Variants in ARL5C observed in about 807,000 individuals in gnomAD.
ARL5C encodes ARF like GTPase 5C.
A neutral mutation model predicts 20.8 loss-of-function variants in ARL5C; 21 were observed. The ratio of observed to expected loss-of-function variants is 1.01; its 90% CI spans 0.72 to 1.46. The LOEUF is 1.46. Ranked by LOEUF, ARL5C falls within the 40% of genes most tolerant of loss-of-function variation. The probability of loss-of-function intolerance (pLI) is 0.00; values close to 1 mark genes in which losing one functional copy is unlikely to be tolerated. For missense variants in ARL5C, 199 were observed against 225.1 expected (o/e 0.88, Z 0.74); for synonymous variants, 71 against 81.6 (o/e 0.87, Z 0.70).
intron 5 of ARL5C, 120 bp downstream of exon 5, chr17:39,160,471 T>C: frequency 7.7e-7 from 1 of 1,299,000 alleles, no homozygotes. Flanking sequence ...CAAATTGGCT[T>C]GGCCCAGGAG....
chr17:39,161,086 T>C (rs892676225), intron 4 of ARL5C, among the ~76,000 whole-genome samples, 182 bp downstream of exon 4: 3 of 152,200 alleles, frequency 2.0e-5, no homozygotes, highest in Non-Finnish European at 2.9e-5. Flanking sequence ...CTGGCTTCTA[T>C]AGTCAATTGC....
intron 2 of ARL5C, among the ~76,000 whole-genome samples, chr17:39,163,520 G>C (rs574509905): frequency 1.9e-3 from 294 of 151,264 alleles, no homozygotes; most frequent in East Asian, 1.6e-3. Context: ...GGCCTCCTGA[G>C]TAGCTGGGAT....
chr17:39,161,496 C>G (rs1048951086), intron 3 of ARL5C, 145 bp from the exon 4 acceptor site: 1 of 690,242 alleles, frequency 1.4e-6, no homozygotes, highest in African/African-American at 1.8e-5. Flanking sequence ...ATTTCACCAC[C>G]CTGCTTCCAT....
intron 5 of ARL5C, 164 bp downstream of exon 5, chr17:39,160,427 G>A: frequency 1.4e-6 from 1 of 738,610 alleles, no homozygotes; most frequent in Non-Finnish European, 2.2e-6. Flanking sequence ...TCTGCTTGTG[G>A]CTTACCCACC....
chr17:39,161,374 G>A, intron 3 of ARL5C, 23 bp from the exon 4 acceptor site: 1 of 1,549,070 alleles, frequency 6.5e-7, no homozygotes, highest in South Asian at 1.2e-5. Flanking sequence ...GGGGAGCCGT[G>A]AGAGACAGGC....
In ARL5C at chr17:39,156,916, T is replaced by A; in HGVS notation, c.518A>T (p.Glu173Val). 6.4e-7 allele frequency: 1 copy of A among 1,551,842 alleles called. No homozygotes were observed. Among genetic ancestry groups the A allele is most frequent in the Non-Finnish European group, 8.7e-7 (1 of 1,146,970 alleles). Residue 173 changes from glutamate to valine, a missense_variant, in exon 6 of 6, where the codon GAA becomes GTA. Coordinates refer to ENST00000269586, the MANE Select transcript of ARL5C (RefSeq NM_001143968.1). ...EGLPARLQWMESQAAAN is the reference protein window; with the variant it reads ...EGLPARLQWMVSQAAAN ...ACATCAGTTAGCAGCGGCCTGAGAT[T>A]CCATCCACTGAAGTCTGGCAGGCAG... is the stretch of plus-strand genomic sequence containing the variant.
intron 3 of ARL5C, among the ~76,000 whole-genome samples, chr17:39,162,007 T>C (rs12945600): frequency 0.018 from 2,671 of 152,260 alleles, 87 homozygotes; most frequent in African/African-American, 0.061. Flanking sequence ...ATCTTGCTCT[T>C]GACCACACAG....
chr17:39,165,161 C>T, intron 1 of ARL5C, 22 bp from the exon 2 acceptor site: 1 of 1,551,350 alleles, frequency 6.4e-7, no homozygotes, highest in Non-Finnish European at 8.7e-7. Flanking sequence ...GGAGGAAGGG[C>T]AGCGTCAGGG....
In ARL5C at chr17:39,165,945, A is replaced by G. The variant is rs1171902336; in HGVS notation, c.-185T>C. The G allele has an allele frequency of 3.1e-6, 2 of 647,798 alleles. No individual in the cohort carries two copies. The highest frequency in any genetic ancestry group is 1.9e-5 in the South Asian group (1 of 53,614). 40.1% of individuals were successfully genotyped at this position (647,798 alleles called of 1,614,324 possible). ...GGGACGCTGGCCCTTCGTGGGCACT[A>G]TGGACACCCCAGTGACTAAGGGCTG... On this transcript the variant is annotated 5_prime_UTR_variant, in exon 1 of 6. Coordinates refer to ENST00000269586, the MANE Select transcript of ARL5C (RefSeq NM_001143968.1).
intron 3 of ARL5C, 70 bp downstream of exon 3, chr17:39,162,641 G>A: frequency 6.7e-7 from 1 of 1,495,812 alleles, no homozygotes; most frequent in Non-Finnish European, 9.0e-7. Context: ...CCAAGGCTCA[G>A]AAAGGTTACA....
At chr17:39,158,615 CAAAA>C (rs35435843) in intron 5 of ARL5C, among the ~76,000 whole-genome samples, 1 of 123,746 alleles carries the variant, frequency 8.1e-6, no homozygotes, top group Non-Finnish European at 1.8e-5. Flanking sequence ...GACCCTGCCT[CAAAA>C]AAAAAAAAAA....
At chr17:39,156,791 T>TC, downstream of ARL5C, 2 of 1,356,754 alleles carry the variant, frequency 1.5e-6, no homozygotes, top group Non-Finnish European at 2.0e-6. Flanking sequence ...CAGCCACTGC[T>TC]CCCACTAGAG....
At chr17:39,162,672 C>A in intron 3 of ARL5C, 39 bp downstream of exon 3, 1 of 1,542,180 alleles carries the variant, frequency 6.5e-7, no homozygotes, top group Non-Finnish European at 8.8e-7. Flanking sequence ...ATATCACACG[C>A]CTGCCTTGGA....
intron 3 of ARL5C, 60 bp downstream of exon 3, chr17:39,162,651 A>T: frequency 2.0e-6 from 3 of 1,523,256 alleles, no homozygotes; most frequent in Non-Finnish European, 2.7e-6. Flanking sequence ...GAAAGGTTAC[A>T]TGACAGTCTG....
In ARL5C at chr17:39,161,325, C is replaced by T. The variant is rs1039050384; in HGVS notation, c.282G>A (p.Thr94=). The T allele has an allele frequency of 6.4e-6, 10 of 1,551,764 alleles. No homozygotes were observed. Among genetic ancestry groups the T allele is most frequent in the Admixed American group, 5.9e-5 (3 of 50,968 alleles). Residue 94 remains threonine, a synonymous_variant, in exon 4 of 6, where the codon ACG becomes ACA. Coordinates refer to ENST00000269586, the MANE Select transcript of ARL5C (RefSeq NM_001143968.1). ...TEFIILVIDS[T]DRDRLLTTRE... ...GAGTGGTCAGCAGCCGATCCCGGTC[C>T]GTGCTGTCAATCACAAGGATGATAA...
intron 5 of ARL5C, among the ~76,000 whole-genome samples, chr17:39,158,171 G>C (rs1175644800): frequency 6.6e-6 from 1 of 150,632 alleles, no homozygotes; most frequent in East Asian, 2.0e-4. Context: ...AAGTGAGGGA[G>C]GGAGGGAGGG....
At chr17:39,161,186 C>T (rs1330206430) in intron 4 of ARL5C, 82 bp downstream of exon 4, 9 of 1,332,818 alleles carry the variant, frequency 6.8e-6, no homozygotes, top group African/African-American at 5.9e-5. Flanking sequence ...ACAGCAGGAA[C>T]GAATCTCAGA....
chr17:39,159,025 T>TG (rs2045420972), intron 5 of ARL5C, among the ~76,000 whole-genome samples: 1 of 112,460 alleles, frequency 8.9e-6, no homozygotes, highest in South Asian at 3.2e-4. Context: ...ATCACTTGTT[T>TG]TTTTTTTTTT....
chr17:39,165,212 C>T (rs2045456801), intron 1 of ARL5C, 73 bp from the exon 2 acceptor site: 1 of 1,468,008 alleles, frequency 6.8e-7, no homozygotes, highest in African/African-American at 1.4e-5. Context: ...CCCACCAGAC[C>T]TCCCAGGAAG....
Sources: allele counts gnomAD v4.1 joint callset (sites outside exome capture counted in the v4.1 genomes callset), GRCh38; gene constraint gnomAD v4.1.1; transcripts MANE v1.5; gene names NCBI Gene and HGNC (gene_info 2026-07-23, HGNC 2026-07-21).